Variants in POLN observed in about 807,000 individuals in gnomAD.
POLN encodes DNA polymerase N.
In POLN, 108 loss-of-function variants were observed where a neutral mutation model predicts 113.5. That is an observed-to-expected ratio of 0.95 (90% confidence interval 0.81 to 1.12). The LOEUF (loss-of-function observed/expected upper bound fraction) is 1.12. Ranked by LOEUF, POLN falls within the 50% of genes most tolerant of loss-of-function variation. POLN has a pLI of 0.00. For missense variants in POLN, 1,097 were observed against 1,077.1 expected (o/e 1.02, Z -0.26); for synonymous variants, 386 against 391.5 (o/e 0.99, Z 0.17).
chr4:2,195,334 T>C (rs1320862925), intron 6 of POLN, among the ~76,000 whole-genome samples: 1 of 152,168 alleles, frequency 6.6e-6, no homozygotes, highest in Non-Finnish European at 1.5e-5. Context: ...TGTAGCATTG[T>C]TCTTAGATAT....
rs757588235 is a variant in POLN at position 2,207,976 on chromosome 4, T to C, written c.714+11A>G. The C allele has an allele frequency of 1.3e-6, 2 of 1,570,350 alleles. No individual in the cohort carries two copies. Among genetic ancestry groups the C allele is most frequent in the Non-Finnish European group, 1.7e-6 (2 of 1,163,354 alleles). ...TCAAGACAGCAAATAAAAACATCAC[T>C]GTTTACTAACCTGGTCAGCTCCTAG... is the stretch of plus-strand genomic sequence containing the variant. On this transcript the variant is annotated intron_variant, in intron 5 of 25. Transcript: ENST00000511885.
intron 7 of POLN, among the ~76,000 whole-genome samples, chr4:2,192,405 C>T (rs966247444): frequency 1.3e-5 from 2 of 151,798 alleles, no homozygotes; most frequent in African/African-American, 2.4e-5. Flanking sequence ...GGCTGGAGTG[C>T]GGTGGCTCAC....
chr4:2,074,029 G>T (rs1315563058), intron 24 of POLN, among the ~76,000 whole-genome samples: 1 of 152,244 alleles, frequency 6.6e-6, no homozygotes, highest in African/African-American at 2.4e-5. Context: ...TGGAGAGCCG[G>T]CCCAGGCCAA....
chr4:2,219,705 G>A (rs1233264621), intron 3 of POLN, among the ~76,000 whole-genome samples: 1 of 152,092 alleles, frequency 6.6e-6, no homozygotes, highest in Non-Finnish European at 1.5e-5. Context: ...GAGTTTCCCA[G>A]CCCTCCACAA....
At chr4:2,081,413 G>A (rs973320238) in intron 22 of POLN, 20 of 623,270 alleles carry the variant, frequency 3.2e-5, no homozygotes, top group Middle Eastern at 4.4e-4. Context: ...CAGTTCTTGC[G>A]GGAATCATCC....
intron 20 of POLN, chr4:2,090,348 TTC>T: frequency 1.3e-6 from 1 of 748,464 alleles, no homozygotes. Flanking sequence ...TCCAAGTACT[TTC>T]TCTCATGTGA....
intron 16 of POLN, among the ~76,000 whole-genome samples, chr4:2,134,069 T>C (rs2108727533): frequency 6.6e-6 from 1 of 152,336 alleles, no homozygotes; most frequent in East Asian, 1.9e-4. Context: ...TGTCTACAGT[T>C]TTACCTTTTC....
intron 2 of POLN, chr4:2,240,739 G>C (rs780207608): frequency 1.2e-6 from 2 of 1,613,846 alleles, no homozygotes; most frequent in South Asian, 2.2e-5. Context: ...TCTAGAATAG[G>C]CTTGCCTGAT....
chr4:2,176,883 C>G (rs1284509297), intron 8 of POLN, among the ~76,000 whole-genome samples: 2 of 152,098 alleles, frequency 1.3e-5, no homozygotes, highest in Non-Finnish European at 2.9e-5. Context: ...AGTCTAATTA[C>G]CCTTCCCCTA....
At chr4:2,135,468 G>A (rs1248189617) in intron 16 of POLN, among the ~76,000 whole-genome samples, 1 of 152,186 alleles carries the variant, frequency 6.6e-6, no homozygotes, top group Non-Finnish European at 1.5e-5. Context: ...CCAAACACAT[G>A]AAACACTGCT....
chr4:2,089,216 T>A (rs1041128165), intron 20 of POLN: 24 of 1,533,508 alleles, frequency 1.6e-5, no homozygotes, highest in Non-Finnish European at 2.1e-5. Flanking sequence ...ATCTGAGAGT[T>A]GTATACATCA....
chr4:2,131,184 C>G (rs2108726173), intron 17 of POLN, 49 bp downstream of exon 17: 2 of 1,366,164 alleles, frequency 1.5e-6, no homozygotes, highest in East Asian at 2.3e-5. Flanking sequence ...CACCCTATCT[C>G]AAAAGAGAGT....
chr4:2,101,148 G>GAA (rs762968112), intron 19 of POLN, among the ~76,000 whole-genome samples: 19 of 143,644 alleles, frequency 1.3e-4, no homozygotes, highest in African/African-American at 4.6e-4. Context: ...GCCTAAACAT[G>GAA]AAAAAAAAAA....
intron 3 of POLN, among the ~76,000 whole-genome samples, chr4:2,222,275 G>A (rs1354241549): frequency 6.6e-6 from 1 of 152,002 alleles, no homozygotes; most frequent in African/African-American, 2.4e-5. Flanking sequence ...CTTAATCTTG[G>A]CCAGGTGGAG....
intron 23 of POLN, among the ~76,000 whole-genome samples, 194 bp from the exon 24 acceptor site, chr4:2,075,713 G>C (rs967257143): frequency 6.6e-6 from 1 of 152,218 alleles, no homozygotes; most frequent in Non-Finnish European, 1.5e-5. Flanking sequence ...AGAGGATGTG[G>C]CTCCGTGAGG....
rs1316119300 is a variant in POLN at position 2,165,613 on chromosome 4, T to C, written c.1554+5066A>G. Among the ~76,000 whole-genome samples, 3 of 151,710 alleles carry C rather than the reference T, an allele frequency of 2.0e-5. No homozygotes were observed. In the East Asian group the frequency reaches 5.8e-4, roughly 29 times the overall value. On this transcript the variant is annotated intron_variant, in intron 13 of 25. Coordinates refer to ENST00000511885, the MANE Select transcript of POLN (RefSeq NM_181808.4). ...AACTACGGACTCTGGGCGATAACGA[T>C]GTATCAGTGTGGGTTCACTGACTGT...
chr4:2,203,871 C>G (rs185966200), intron 5 of POLN, among the ~76,000 whole-genome samples: 2 of 151,832 alleles, frequency 1.3e-5, no homozygotes, highest in South Asian at 2.1e-4. Flanking sequence ...GCACTTTGGG[C>G]GGCAGAGGAG....
chr4:2,137,877 A>T (rs1731900505), intron 16 of POLN, among the ~76,000 whole-genome samples: 2 of 151,982 alleles, frequency 1.3e-5, no homozygotes, highest in Admixed American at 6.6e-5. Flanking sequence ...CTTACTCTGT[A>T]ACCCAGGCTG....
chr4:2,083,782 C>T (rs571595061), intron 21 of POLN, among the ~76,000 whole-genome samples: 22 of 152,398 alleles, frequency 1.4e-4, no homozygotes, highest in Middle Eastern at 3.4e-3. Flanking sequence ...CCAGCTCAAC[C>T]GGCTGTGGCC....
Sources: allele counts gnomAD v4.1 joint callset (sites outside exome capture counted in the v4.1 genomes callset), GRCh38; gene constraint gnomAD v4.1.1; transcripts MANE v1.5; gene names NCBI Gene and HGNC (gene_info 2026-07-23, HGNC 2026-07-21).